The following NBEA variants were observed in gnomAD, a reference collection of about 807,000 sequenced individuals.
NBEA encodes the protein lysosomal-trafficking regulator 2.
NBEA carries 44 observed loss-of-function variants against 343.4 expected under a neutral mutation model. The observed-to-expected ratio is 0.13, with a 90% CI of 0.10 to 0.16. NBEA has a LOEUF of 0.16. NBEA is among the 10% of genes least tolerant of loss of function. NBEA has a pLI of 1.00. For synonymous variants in NBEA, 1,175 were observed against 1,238.7 expected (o/e 0.95, Z 1.08); for missense variants, 2,555 against 3,631.3 (o/e 0.70, Z 7.62).
At chr13:35,110,705 C>A in intron 12 of NBEA, 105 bp from the exon 13 acceptor site, 2 of 793,382 alleles carry the variant, frequency 2.5e-6, no homozygotes, top group South Asian at 3.7e-5. Flanking sequence ...ATGGTCATTT[C>A]TTGGTCTTTA....
At chr13:35,158,966 C>A (rs1324347380) in intron 21 of NBEA, 50 bp from the exon 22 acceptor site, 1 of 1,411,254 alleles carries the variant, frequency 7.1e-7, no homozygotes, top group Non-Finnish European at 9.5e-7. Flanking sequence ...TTAGTTTTTT[C>A]TTTTTGATAT....
At chr13:35,308,718 T>A (rs2037159723) in intron 35 of NBEA, among the ~76,000 whole-genome samples, 1 of 148,142 alleles carries the variant, frequency 6.8e-6, no homozygotes, top group Admixed American at 6.9e-5. Context: ...CCCCAAAATA[T>A]GTATATATTT....
chr13:35,014,468 C>T (rs1593465776), intron 1 of NBEA, among the ~76,000 whole-genome samples: 1 of 152,054 alleles, frequency 6.6e-6, no homozygotes, highest in East Asian at 1.9e-4. Context: ...AACCAGAAGG[C>T]CTTAGAGGTC....
At chr13:35,564,043 A>G (rs953566207) in intron 44 of NBEA, among the ~76,000 whole-genome samples, 4 of 151,884 alleles carry the variant, frequency 2.6e-5, no homozygotes, top group African/African-American at 9.7e-5. Flanking sequence ...CCTTCCCTCT[A>G]CCCTCAAGCA....
chr13:35,317,663 G>A (rs1291125740), intron 36 of NBEA, among the ~76,000 whole-genome samples: 1 of 152,132 alleles, frequency 6.6e-6, no homozygotes, highest in African/African-American at 2.4e-5. Flanking sequence ...TAGCTTGATG[G>A]GGATAGCACT....
intron 1 of NBEA, among the ~76,000 whole-genome samples, chr13:34,996,948 T>C (rs565258450): frequency 6.6e-6 from 1 of 152,288 alleles, no homozygotes; most frequent in South Asian, 2.1e-4. Context: ...ATTTATGTCC[T>C]GTATTCAAAG....
chr13:35,467,264 G>A (rs1011210233), intron 40 of NBEA, among the ~76,000 whole-genome samples: 1 of 152,112 alleles, frequency 6.6e-6, no homozygotes, highest in Non-Finnish European at 1.5e-5. Flanking sequence ...ACAAGGTCAG[G>A]AGTTCAAGAC....
At chr13:35,142,711 C>T (rs757214540) in intron 18 of NBEA, among the ~76,000 whole-genome samples, 12 of 152,004 alleles carry the variant, frequency 7.9e-5, no homozygotes, top group Non-Finnish European at 1.6e-4. Context: ...TGTTTTTATC[C>T]TCTCGTTCCT....
In NBEA at chr13:35,087,903, G is replaced by A. The variant is rs184873679; in HGVS notation, c.1572-10394G>A. ...TTTTGAAGTAGGAGGTTTGTTAAAC[G>A]ATGTTGGTTTTCATCAAGTGGTCAA... On this transcript the variant is annotated intron_variant, in intron 10 of 58. Transcript: ENST00000379939. 1.7e-4 allele frequency among the ~76,000 whole-genome samples: 26 copies of A among 152,004 alleles called. No individual in the cohort carries two copies. In the South Asian group the frequency reaches 2.3e-3, roughly 13 times the overall value.
chr13:35,621,976 T>C (rs1026777642), intron 48 of NBEA, among the ~76,000 whole-genome samples: 5 of 152,220 alleles, frequency 3.3e-5, no homozygotes, highest in Non-Finnish European at 7.3e-5. Flanking sequence ...TGTAAAATGA[T>C]TTCACAAGTA....
At chr13:35,432,183 C>T in intron 38 of NBEA, 86 bp from the exon 39 acceptor site, 2 of 1,215,144 alleles carry the variant, frequency 1.6e-6, no homozygotes, top group Non-Finnish European at 2.2e-6. Flanking sequence ...ATGAGACCAA[C>T]AAAATAACTT....
At chr13:35,603,553 G>A (rs1334085581) in intron 47 of NBEA, among the ~76,000 whole-genome samples, 9 of 152,112 alleles carry the variant, frequency 5.9e-5, no homozygotes, top group African/African-American at 2.2e-4. Context: ...AAACATTATA[G>A]AGTGCCAAGA....
At chr13:34,987,452 A>G (rs1427922393) in intron 1 of NBEA, among the ~76,000 whole-genome samples, 1 of 150,458 alleles carries the variant, frequency 6.6e-6, no homozygotes, top group Non-Finnish European at 1.5e-5. Context: ...CAACCTTGCT[A>G]AATCTGACAA....
intron 47 of NBEA, among the ~76,000 whole-genome samples, chr13:35,604,556 A>G (rs1023432385): frequency 2.0e-5 from 3 of 149,388 alleles, no homozygotes; most frequent in African/African-American, 7.5e-5. Flanking sequence ...CCATTCTCCA[A>G]TCTCTCCTTT....
chr13:35,449,447 G>C (rs1232208557), intron 39 of NBEA, among the ~76,000 whole-genome samples: 3 of 151,942 alleles, frequency 2.0e-5, no homozygotes, highest in East Asian at 3.9e-4. Context: ...AGGAGAAGGA[G>C]CAAGAGACAA....
At chr13:35,178,340 C>T (rs1253997414) in intron 28 of NBEA, among the ~76,000 whole-genome samples, 1 of 151,654 alleles carries the variant, frequency 6.6e-6, no homozygotes, top group East Asian at 1.9e-4. Context: ...TCAGAGATAT[C>T]TACAGGAAAT....
intron 31 of NBEA, among the ~76,000 whole-genome samples, chr13:35,199,322 C>T (rs974855149): frequency 6.6e-5 from 10 of 152,124 alleles, no homozygotes; most frequent in African/African-American, 2.4e-4. Flanking sequence ...AGATTGAATT[C>T]GTTGAAAATG....
intron 1 of NBEA, among the ~76,000 whole-genome samples, chr13:34,965,666 C>G (rs1331261956): frequency 1.3e-5 from 2 of 151,960 alleles, no homozygotes; most frequent in African/African-American, 4.8e-5. Context: ...TAACTCACAT[C>G]TATCTCTCAA....
chr13:34,998,290 G>A (rs1403883757), intron 1 of NBEA, among the ~76,000 whole-genome samples: 1 of 152,096 alleles, frequency 6.6e-6, no homozygotes, highest in East Asian at 1.9e-4. Flanking sequence ...ATGGAGGCAG[G>A]GTGAGATCAC....
Sources: allele counts gnomAD v4.1 joint callset (sites outside exome capture counted in the v4.1 genomes callset), GRCh38; gene constraint gnomAD v4.1.1; transcripts MANE v1.5; gene names NCBI Gene and HGNC (gene_info 2026-07-23, HGNC 2026-07-21).